MCTP1: variants seen among roughly 807,000 people sequenced by gnomAD.
MCTP1 encodes the protein multiple C2 and transmembrane domain-containing protein 1.
In MCTP1, 69 loss-of-function variants were observed where a neutral mutation model predicts 120.6. The observed-to-expected ratio is 0.57, with a 90% CI of 0.47 to 0.70. MCTP1 has a LOEUF of 0.70. MCTP1 is among the 30% of genes least tolerant of loss of function. MCTP1 has a pLI of 0.00. For synonymous variants in MCTP1, 529 were observed against 493.1 expected (o/e 1.07, Z -0.96); for missense variants, 1,203 against 1,248.8 (o/e 0.96, Z 0.55).
chr5:95,217,966 C>A (rs1314031215), intron 1 of MCTP1, among the ~76,000 whole-genome samples: 1 of 152,136 alleles, frequency 6.6e-6, no homozygotes, highest in African/African-American at 2.4e-5. Context: ...TCTGATCATG[C>A]AGGAATTTCA....
At chr5:95,130,188 C>T (rs144378862) in intron 1 of MCTP1, among the ~76,000 whole-genome samples, 88 of 152,278 alleles carry the variant, frequency 5.8e-4, no homozygotes, top group African/African-American at 1.7e-3. Flanking sequence ...AATGAGGAAC[C>T]AATTCCCATA....
In MCTP1 at chr5:95,044,110, A is replaced by G. The variant is rs1201077169; in HGVS notation, c.721-26626T>C. Among the ~76,000 whole-genome samples, 3 of 152,204 alleles carry G rather than the reference A, an allele frequency of 2.0e-5. No homozygotes were observed. The East Asian group carries it at 5.8e-4, about 29-fold the overall frequency. On this transcript the variant is annotated intron_variant, in intron 1 of 22. Transcript: ENST00000515393. The stretch of plus-strand genomic sequence containing the variant: ...GATGGTTCTGGGCCCTACAGGGAAA[A>G]CAACCCATCCAAGTACTTTGTTGTC...
intron 1 of MCTP1, among the ~76,000 whole-genome samples, chr5:95,069,312 G>C (rs1189333050): frequency 6.6e-6 from 1 of 152,172 alleles, no homozygotes; most frequent in Non-Finnish European, 1.5e-5. Flanking sequence ...CTTTGCAGAT[G>C]ACAGTTTTCA....
intron 1 of MCTP1, among the ~76,000 whole-genome samples, chr5:95,093,663 A>T (rs1320482240): frequency 6.6e-6 from 1 of 152,164 alleles, no homozygotes; most frequent in Non-Finnish European, 1.5e-5. Context: ...TTCACAAAAG[A>T]TTGCATTTTT....
At chr5:95,080,482 C>T (rs1260942720) in intron 1 of MCTP1, among the ~76,000 whole-genome samples, 5 of 152,110 alleles carry the variant, frequency 3.3e-5, no homozygotes, top group Non-Finnish European at 7.4e-5. Context: ...TAATGCCAAC[C>T]GTTAGCAGAC....
At chr5:94,989,754 G>A (rs369682202) in intron 2 of MCTP1, among the ~76,000 whole-genome samples, 1 of 152,142 alleles carries the variant, frequency 6.6e-6, no homozygotes, top group East Asian at 1.9e-4. Context: ...GGGGAAGGGT[G>A]AGGGGATCCA....
chr5:94,775,728 C>T lies in MCTP1; in HGVS notation c.2610+3382G>A, dbSNP rs185797975. Among the ~76,000 whole-genome samples the T allele has an allele frequency of 5.3e-5, 8 of 151,916 alleles. No homozygotes were observed. In the East Asian group the frequency reaches 9.7e-4, roughly 18 times the overall value. On this transcript the variant is annotated intron_variant, in intron 19 of 22. Transcript: ENST00000515393. ...ATATTAACAAGTAAATGATTCATAA[C>T]GAAGACTCACCACGTAAAACCTGTA...
chr5:95,016,643 G>A (rs956745148), intron 2 of MCTP1, among the ~76,000 whole-genome samples: 1 of 151,806 alleles, frequency 6.6e-6, no homozygotes, highest in Non-Finnish European at 1.5e-5. Context: ...TTGGAATTGG[G>A]GGCTCTCAGG....
chr5:94,966,765 A>C (rs1825708621), intron 2 of MCTP1, among the ~76,000 whole-genome samples: 3 of 152,028 alleles, frequency 2.0e-5, no homozygotes, highest in East Asian at 3.9e-4. Context: ...ACTGCGCTCC[A>C]GCCTGGGCGA....
intron 17 of MCTP1, among the ~76,000 whole-genome samples, chr5:94,803,566 G>T (rs965341366): frequency 1.3e-5 from 2 of 152,162 alleles, no homozygotes; most frequent in African/African-American, 4.8e-5. Flanking sequence ...GCCGATGCTT[G>T]ACATCTATAA....
intron 14 of MCTP1, 91 bp downstream of exon 14, chr5:94,871,224 A>G: frequency 1.2e-6 from 1 of 840,790 alleles, no homozygotes; most frequent in Admixed American, 2.3e-5. Context: ...TTGAGAAATG[A>G]CAGACACAGA....
At chr5:95,211,108 T>C (rs868425662) in intron 1 of MCTP1, among the ~76,000 whole-genome samples, 1 of 152,246 alleles carries the variant, frequency 6.6e-6, no homozygotes, top group Middle Eastern at 3.4e-3. Context: ...GCCCTTAACA[T>C]TTTTTCCTTC....
At chr5:94,858,974 T>C (rs1244418429) in intron 17 of MCTP1, among the ~76,000 whole-genome samples, 1 of 151,730 alleles carries the variant, frequency 6.6e-6, no homozygotes. Context: ...TCATGATCTA[T>C]GACATTCCCA....
rs556154104 is a variant in MCTP1, at chr5:94,772,650, T to C, written c.2610+6460A>G. The stretch of plus-strand genomic sequence containing the variant: ...CTACACACTCCCTCAGTTGAAACTG[T>C]AGGAAAGGATTGGATATGCAGGAAA... On this transcript the variant is annotated intron_variant, in intron 19 of 22. Transcript: ENST00000515393. 1.3e-4 allele frequency among the ~76,000 whole-genome samples: 20 copies of C among 152,062 alleles called. 1 individual carries two copies. Among genetic ancestry groups the C allele is most frequent in the Non-Finnish European group, 2.2e-4 (15 of 68,014 alleles).
chr5:94,722,340 G>T (rs897574350), intron 19 of MCTP1, among the ~76,000 whole-genome samples: 2 of 152,100 alleles, frequency 1.3e-5, no homozygotes, highest in Admixed American at 1.3e-4. Flanking sequence ...GCCGAGCTGT[G>T]TCCTAGCTTA....
intron 17 of MCTP1, among the ~76,000 whole-genome samples, chr5:94,803,535 G>A (rs1023379265): frequency 6.6e-6 from 1 of 152,140 alleles, no homozygotes. Context: ...TATTTACTTG[G>A]CAGATTTGAG....
rs34667866 is a variant in MCTP1 at position 95,276,251 on chromosome 5, A to ATTTTTTT, written c.720+7598_720+7604dup. On this transcript the variant is annotated intron_variant, in intron 1 of 22. Transcript: ENST00000515393. Reference sequence around the variant, plus strand: ...GACAGGATTCTTGGTCAATATTGGGATTTTTTTTTTTTTTTTTTTTTTTTT... The same window carrying ATTTTTTT: ...GACAGGATTCTTGGTCAATATTGGGATTTTTTTTTTTTTTTTTTTTTTTTTTTTTTTT... 8.3e-5 allele frequency among the ~76,000 whole-genome samples: 7 copies of ATTTTTTT among 84,740 alleles called. 1 individual carries two copies. Among genetic ancestry groups the ATTTTTTT allele is most frequent in the East Asian group, 4.6e-4 (1 of 2,178 alleles). The allele number at this position is 84,740 out of a possible 152,430, so 55.6% of individuals were successfully genotyped here. A position where few individuals can be genotyped will look rare whatever the true frequency, so the allele number is the denominator to read the frequency against.
chr5:94,841,509 T>C (rs907763956), intron 17 of MCTP1, among the ~76,000 whole-genome samples: 1 of 152,138 alleles, frequency 6.6e-6, no homozygotes, highest in Non-Finnish European at 1.5e-5. Flanking sequence ...TTCTACCCTA[T>C]CCATTTTTCA....
chr5:95,156,796 A>T (rs1178943914), intron 1 of MCTP1, among the ~76,000 whole-genome samples: 2 of 152,200 alleles, frequency 1.3e-5, no homozygotes, highest in Non-Finnish European at 2.9e-5. Context: ...GTTTTTTTGC[A>T]TTCCTGTCAC....
Sources: gnomAD v4.1 joint callset for allele counts (sites outside exome capture counted in the v4.1 genomes callset) on GRCh38, gnomAD v4.1.1 for gene constraint, MANE v1.5 for transcripts, NCBI Gene and HGNC (gene_info 2026-07-23, HGNC 2026-07-21) for gene names.